Variants in SNAP91 observed in about 807,000 individuals in gnomAD.
The protein encoded by SNAP91 is synaptosome associated protein 91.
A neutral mutation model predicts 100.3 loss-of-function variants in SNAP91; 27 were observed. The observed-to-expected ratio is 0.27, with a 90% CI of 0.20 to 0.37. The LOEUF (loss-of-function observed/expected upper bound fraction) is 0.37. Among genes scored for constraint, SNAP91 ranks in the 10% least tolerant of loss-of-function variants. SNAP91 has a pLI of 1.00. For synonymous variants in SNAP91, 404 were observed against 398.6 expected, an observed-to-expected ratio of 1.01 and a Z score of -0.16; for missense variants, 986 against 1,123.7, an observed-to-expected ratio of 0.88 and a Z score of 1.75.
At chr6:83,628,350 T>C (rs1484472346) in intron 8 of SNAP91, among the ~76,000 whole-genome samples, 1 of 151,520 alleles carries the variant, frequency 6.6e-6, no homozygotes, top group Non-Finnish European at 1.5e-5. Flanking sequence ...CAAGTATGAC[T>C]TCTTTTCCCC....
chr6:83,643,631 T>C (rs2097796250), intron 7 of SNAP91, among the ~76,000 whole-genome samples: 1 of 152,204 alleles, frequency 6.6e-6, no homozygotes, highest in Non-Finnish European at 1.5e-5. Context: ...GTTATTTCAT[T>C]CAGCATGTAA....
intron 8 of SNAP91, among the ~76,000 whole-genome samples, chr6:83,636,419 C>G (rs1359465894): frequency 1.9e-4 from 29 of 152,172 alleles, no homozygotes; most frequent in Admixed American, 1.4e-3. Flanking sequence ...GACTCGTCTT[C>G]AAGCTCTGAA....
intron 1 of SNAP91, chr6:83,708,637 G>A (rs2129096621): frequency 6.6e-6 from 1 of 152,344 alleles, no homozygotes; most frequent in African/African-American, 2.4e-5. Flanking sequence ...GAGCTCTGCG[G>A]AGGCGCCGGA....
At chr6:83,582,415 A>C in intron 22 of SNAP91, 59 bp from the exon 23 acceptor site, 1 of 1,519,314 alleles carries the variant, frequency 6.6e-7, no homozygotes, top group Non-Finnish European at 8.8e-7. Context: ...AAAGGCCATA[A>C]AAACTGAATT....
At chr6:83,703,640 A>G (rs2099346975) in intron 2 of SNAP91, among the ~76,000 whole-genome samples, 2 of 152,318 alleles carry the variant, frequency 1.3e-5, no homozygotes, top group East Asian at 1.9e-4. Flanking sequence ...GTCTTATAAG[A>G]AACATAATCT....
chr6:83,569,530 T>A (rs1478202250), intron 26 of SNAP91, among the ~76,000 whole-genome samples: 1 of 152,196 alleles, frequency 6.6e-6, no homozygotes, highest in East Asian at 1.9e-4. Context: ...CCAAGGAAGT[T>A]CTTCAACTTA....
At chr6:83,687,207 T>G (rs2099071879) in intron 2 of SNAP91, among the ~76,000 whole-genome samples, 1 of 152,166 alleles carries the variant, frequency 6.6e-6, no homozygotes, top group South Asian at 2.1e-4. Context: ...TGGTAAAATA[T>G]CAGTCACTTC....
intron 10 of SNAP91, among the ~76,000 whole-genome samples, chr6:83,616,324 T>G (rs1230674763): frequency 2.0e-5 from 3 of 151,652 alleles, no homozygotes; most frequent in Non-Finnish European, 4.4e-5. Flanking sequence ...TCAGACCTGC[T>G]GGAGAGATGG....
chr6:83,696,162 G>GA (rs2099208096), intron 2 of SNAP91, among the ~76,000 whole-genome samples: 1 of 151,984 alleles, frequency 6.6e-6, no homozygotes, highest in African/African-American at 2.4e-5. Flanking sequence ...GTTTTAGGGA[G>GA]AAAAAAACAA....
chr6:83,605,556 A>T, intron 14 of SNAP91, 129 bp downstream of exon 14: 1 of 1,251,838 alleles, frequency 8.0e-7, no homozygotes, highest in Non-Finnish European at 1.1e-6. Context: ...TGCCATTCTT[A>T]ACATTTTCCC....
intron 7 of SNAP91, among the ~76,000 whole-genome samples, chr6:83,653,667 T>C (rs2098294749): frequency 6.6e-6 from 1 of 152,128 alleles, no homozygotes; most frequent in Non-Finnish European, 1.5e-5. Context: ...GTATGACTTG[T>C]AATTTTTTCT....
chr6:83,686,154 T>C, intron 2 of SNAP91: 2 of 985,288 alleles, frequency 2.0e-6, no homozygotes, highest in Non-Finnish European at 2.4e-6. Flanking sequence ...CTAGCCTTCC[T>C]TAATATCCCA....
At chr6:83,643,696 A>T (rs2097798447) in intron 7 of SNAP91, among the ~76,000 whole-genome samples, 1 of 152,202 alleles carries the variant, frequency 6.6e-6, no homozygotes, top group Non-Finnish European at 1.5e-5. Flanking sequence ...AGTAATATAT[A>T]ATTACACAAA....
intron 26 of SNAP91, 64 bp downstream of exon 26, chr6:83,574,946 C>T: frequency 1.8e-6 from 2 of 1,088,816 alleles, no homozygotes; most frequent in Admixed American, 2.4e-5. Flanking sequence ...AAAATGCACG[C>T]TACTTTACAC....
chr6:83,685,647 C>A (rs781536422), intron 2 of SNAP91, among the ~76,000 whole-genome samples: 13 of 152,122 alleles, frequency 8.5e-5, no homozygotes, highest in Non-Finnish European at 1.9e-4. Context: ...CTAACCTTTT[C>A]CCTATAACCA....
chr6:83,670,941 C>T (rs11752615), intron 2 of SNAP91, among the ~76,000 whole-genome samples: 26,511 of 151,776 alleles, frequency 0.17, 2,958 homozygotes, highest in South Asian at 0.28. Flanking sequence ...ATAGTGTTAG[C>T]CCTTCAAGTT....
chr6:83,554,760 G>T (rs1020103726), intron 29 of SNAP91, among the ~76,000 whole-genome samples: 1 of 152,106 alleles, frequency 6.6e-6, no homozygotes, highest in Non-Finnish European at 1.5e-5. Flanking sequence ...AGAGATCCCT[G>T]GCGACCCGAT....
chr6:83,597,811 G>T (rs1474988215), intron 16 of SNAP91, among the ~76,000 whole-genome samples: 3 of 152,172 alleles, frequency 2.0e-5, no homozygotes, highest in South Asian at 2.1e-4. Context: ...TCACATTCTG[G>T]TTCCTCTTTG....
intron 7 of SNAP91, among the ~76,000 whole-genome samples, chr6:83,647,787 A>G (rs2098007069): frequency 6.6e-6 from 1 of 152,054 alleles, no homozygotes; most frequent in African/African-American, 2.4e-5. Context: ...ATGTCAGTCC[A>G]TTTTCTGCTG....
Sources: gnomAD v4.1 joint callset for allele counts (sites outside exome capture counted in the v4.1 genomes callset) on GRCh38, gnomAD v4.1.1 for gene constraint, MANE v1.5 for transcripts, NCBI Gene and HGNC (gene_info 2026-07-23, HGNC 2026-07-21) for gene names.